The following CAPN11 variants were observed in gnomAD, a reference collection of about 807,000 sequenced individuals.
CAPN11 encodes calpain-11.
CAPN11 carries 108 observed loss-of-function variants against 105.3 expected under a neutral mutation model. The ratio of observed to expected loss-of-function variants is 1.03; its 90% CI spans 0.88 to 1.20. The LOEUF (loss-of-function observed/expected upper bound fraction) is 1.20. Among genes scored for constraint, CAPN11 ranks in the 50% most tolerant of loss-of-function variants. CAPN11 has a pLI of 0.00. For missense variants in CAPN11, 883 were observed against 924.8 expected, an observed-to-expected ratio of 0.95 and a Z score of 0.59; for synonymous variants, 329 against 344.5, an observed-to-expected ratio of 0.96 and a Z score of 0.50.
chr6:44,161,915 C>T, intron 1 of CAPN11: 2 of 456,142 alleles, frequency 4.4e-6, no homozygotes, highest in South Asian at 1.5e-5. Flanking sequence ...AGATGATTCG[C>T]TCAACCCAGG....
chr6:44,177,314 G>C lies in CAPN11; in HGVS notation c.1310G>C (p.Gly437Ala), dbSNP rs1426527670. The C allele has an allele frequency of 1.9e-6, 3 of 1,613,654 alleles. No individual in the cohort carries two copies. The highest frequency in any genetic ancestry group is 2.5e-6 in the Non-Finnish European group (3 of 1,179,786). ...EGDDPEDDAE[G>A]NVVVCTCLVA... ...GATGACCCAGAGGATGACGCAGAGG[G>C]CAATGTTGTGGTCTGCACCTGCCTG... Residue 437 changes from glycine (G) to alanine (A), a missense_variant, in exon 12 of 23, where the codon GGC becomes GCC. By Grantham distance (60) the Gly-to-Ala change is moderately conservative. Coordinates refer to ENST00000398776, the MANE Select transcript of CAPN11 (RefSeq NM_007058.4).
Position 44,176,819 on chromosome 6 carries a change from C to T in CAPN11, c.1077-19C>T, listed in dbSNP as rs1561848597. On this transcript the variant is annotated intron_variant, in intron 10 of 22. Coordinates refer to ENST00000398776, the MANE Select transcript of CAPN11 (RefSeq NM_007058.4). The stretch of plus-strand genomic sequence containing the variant: ...ATGCAAGTGTGCTGCTGACGGGCTC[C>T]ACCCCCACCCCACCACAGGATGTCC... The T allele has an allele frequency of 1.2e-6, 2 of 1,613,138 alleles. No individual in the cohort carries two copies. Among genetic ancestry groups the T allele is most frequent in the Non-Finnish European group, 8.5e-7 (1 of 1,179,492 alleles).
chr6:44,181,574 C>CCACACA lies in CAPN11; in HGVS notation c.1938+255_1938+260dup, dbSNP rs1246245984. 1.8e-3 allele frequency among the ~76,000 whole-genome samples: 9 copies of CCACACA among 4,930 alleles called. 2 individuals carry two copies. Among genetic ancestry groups the CCACACA allele is most frequent in the African/African-American group, 1.6e-3 (3 of 1,870 alleles). 3.2% of individuals were successfully genotyped at this position (4,930 alleles called of 152,430 possible). ...ACACTCACATACAGACACAACCACACCACACATACACACTCACATACAGAC... is the reference window on the plus strand; with the variant it reads ...ACACTCACATACAGACACAACCACACCACACACACACATACACACTCACATACAGAC... On this transcript the variant is annotated intron_variant, in intron 19 of 22. Transcript: ENST00000398776.
chr6:44,182,871 G>A lies in CAPN11; in HGVS notation c.1939-70G>A, dbSNP rs890731704. ...TTACAGGCATGAGCCACCGCGCCCGGCCTCAGTATTTCATTATTTCAACCA... is the reference window on the plus strand; with the variant it reads ...TTACAGGCATGAGCCACCGCGCCCGACCTCAGTATTTCATTATTTCAACCA... On this transcript the variant is annotated intron_variant, in intron 19 of 22. Coordinates refer to ENST00000398776, the MANE Select transcript of CAPN11 (RefSeq NM_007058.4). 4.2e-6 allele frequency: 5 copies of A among 1,193,262 alleles called. No individual in the cohort carries two copies. In the Admixed American group the frequency reaches 9.8e-5, roughly 24 times the overall value. 73.9% of individuals were successfully genotyped at this position (1,193,262 alleles called of 1,614,324 possible). A position where few individuals can be genotyped will look rare whatever the true frequency, so the allele number is the denominator to read the frequency against.
In CAPN11 at chr6:44,166,738, C is replaced by T; in HGVS notation, c.17-20C>T. ...TAGACCACAGCCTTCCTCCCCTCCT[C>T]CCACTCTTTCTTATTCTAGGGCCGA... is the stretch of plus-strand genomic sequence containing the variant. On this transcript the variant is annotated intron_variant, in intron 1 of 22. Transcript: ENST00000398776. 6.5e-7 allele frequency: 1 copy of T among 1,542,466 alleles called. No individual in the cohort carries two copies. Among genetic ancestry groups the T allele is most frequent in the Non-Finnish European group, 8.8e-7 (1 of 1,138,334 alleles).
At chr6:44,182,309 ACACT>A (rs1473391088) in intron 19 of CAPN11, among the ~76,000 whole-genome samples, 1 of 147,856 alleles carries the variant, frequency 6.8e-6, no homozygotes, top group African/African-American at 2.5e-5. Flanking sequence ...ACACACACAC[ACACT>A]CACATACAGA....
At chr6:44,168,699 C>T (rs913432598) in intron 2 of CAPN11, among the ~76,000 whole-genome samples, 1 of 150,912 alleles carries the variant, frequency 6.6e-6, no homozygotes, top group African/African-American at 2.4e-5. Flanking sequence ...CTCAGCTCTG[C>T]ACCTCCGCCT....
rs760034477 is a variant in CAPN11 at position 44,180,447 on chromosome 6, T to C, written c.1641-13T>C. The stretch of plus-strand genomic sequence containing the variant: ...CCCCTGGTAACTCTTGAGCTTTCAA[T>C]CATTTTGCCCAGGGAATTGGATGAA... On this transcript the variant is annotated splice_polypyrimidine_tract_variant and intron_variant, in intron 14 of 22. Coordinates refer to ENST00000398776, the MANE Select transcript of CAPN11 (RefSeq NM_007058.4). The C allele has an allele frequency of 1.4e-5, 22 of 1,612,666 alleles. No individual in the cohort carries two copies. Among genetic ancestry groups the C allele is most frequent in the Non-Finnish European group, 1.9e-5 (22 of 1,179,260 alleles).
intron 1 of CAPN11, 107 bp downstream of exon 1, chr6:44,158,971 A>G (rs192277371): frequency 7.9e-6 from 5 of 634,096 alleles, no homozygotes; most frequent in Non-Finnish European, 9.3e-6. Flanking sequence ...CCTTGAGGGT[A>G]CAGAGAGTGA....
chr6:44,179,694 G>A (rs1772802458), intron 13 of CAPN11, 64 bp downstream of exon 13: 1 of 1,554,302 alleles, frequency 6.4e-7, no homozygotes. Flanking sequence ...CTGGCTGCAA[G>A]TGGATTGGCA....
chr6:44,160,201 T>G (rs1040849222), intron 1 of CAPN11, among the ~76,000 whole-genome samples: 1 of 152,326 alleles, frequency 6.6e-6, no homozygotes, highest in South Asian at 2.1e-4. Flanking sequence ...AACAAGTATG[T>G]GCAGTAATGC....
At position 44,162,368 on chromosome 6, in the gene CAPN11, G is replaced by GACACACACACAC. The variant is rs57009949; in HGVS notation, c.16+3535_16+3546dup. On this transcript the variant is annotated intron_variant, in intron 1 of 22. Coordinates refer to ENST00000398776, the MANE Select transcript of CAPN11 (RefSeq NM_007058.4). The stretch of plus-strand genomic sequence containing the variant: ...CCCCCTCACAGTCTCTTTGAATAAA[G>GACACACACACAC]ACACACACACACACACACACACACA... Among the ~76,000 whole-genome samples the GACACACACACAC allele has an allele frequency of 2.3e-4, 32 of 138,752 alleles. 1 individual carries two copies. Among genetic ancestry groups the GACACACACACAC allele is most frequent in the Admixed American group, 3.6e-4 (5 of 13,832 alleles). 91.0% of individuals were successfully genotyped at this position (138,752 alleles called of 152,430 possible). A position where few individuals can be genotyped will look rare whatever the true frequency, so the allele number is the denominator to read the frequency against.
At chr6:44,181,188 C>A in intron 18 of CAPN11, 64 bp from the exon 19 acceptor site, 4 of 1,486,010 alleles carry the variant, frequency 2.7e-6, no homozygotes, top group Non-Finnish European at 3.8e-6. Flanking sequence ...GGAACCCCCG[C>A]TGCTTCCCTA....
chr6:44,166,087 A>G (rs1443007402), intron 1 of CAPN11, among the ~76,000 whole-genome samples: 6 of 152,064 alleles, frequency 3.9e-5, no homozygotes, highest in Non-Finnish European at 7.4e-5. Flanking sequence ...GACCAGGAGA[A>G]CAGGGGTTCA....
At position 44,176,632 on chromosome 6, in the gene CAPN11, C is replaced by T. The variant is rs764826984; in HGVS notation, c.1053C>T (p.His351=). Residue 351 remains histidine (H), a synonymous_variant, in exon 10 of 23, where the codon CAC becomes CAT. Coordinates refer to ENST00000398776, the MANE Select transcript of CAPN11 (RefSeq NM_007058.4). ...VASDIQMQLL[H]KTEDGEFWMS... ...CAGACATCCAGATGCAGCTGCTGCA[C>T]AAGACGGAGGACGGGGAGTTCTGGT... is the stretch of plus-strand genomic sequence containing the variant. The T allele has an allele frequency of 5.0e-6, 8 of 1,607,318 alleles. No homozygotes were observed. Among genetic ancestry groups the T allele is most frequent in the Admixed American group, 3.4e-5 (2 of 59,482 alleles).
In CAPN11 at chr6:44,180,089, T is replaced by C. The variant is rs1772872422; in HGVS notation, c.1566T>C (p.Ile522=). ...TGCCTCCGGGGGAATATATCATTAT[T>C]CCCTCCACCTTTGAGCCACACAGAG... ...LRLPPGEYII[I]PSTFEPHRDA... is the part of the protein sequence containing the mutation. The change falls in exon 14 of 23, where the codon ATT becomes ATC. Residue 522 remains isoleucine (I), a synonymous_variant. Transcript: ENST00000398776. 1.2e-6 allele frequency: 2 copies of C among 1,613,394 alleles called. No homozygotes were observed. The highest frequency in any genetic ancestry group is 1.1e-5 in the South Asian group (1 of 91,044).
At chr6:44,180,873 G>A (rs1461465103) in intron 17 of CAPN11, 60 bp from the exon 18 acceptor site, 10 of 1,602,890 alleles carry the variant, frequency 6.2e-6, no homozygotes, top group Admixed American at 3.3e-5. Context: ...ATCACTCCCA[G>A]TGCCCCCACG....
intron 1 of CAPN11, among the ~76,000 whole-genome samples, chr6:44,163,079 TC>T (rs1351436220): frequency 2.6e-5 from 4 of 152,178 alleles, no homozygotes; most frequent in Admixed American, 2.0e-4. Context: ...AGTAACGTTT[TC>T]TGAGCACCTG....
chr6:44,158,889 C>T, intron 1 of CAPN11, 25 bp downstream of exon 1: 1 of 1,548,164 alleles, frequency 6.5e-7, no homozygotes, highest in Non-Finnish European at 8.7e-7. Context: ...GGCCTTGCCC[C>T]ACTCCTGTAC....
Sources: allele counts gnomAD v4.1 joint callset (sites outside exome capture counted in the v4.1 genomes callset), GRCh38; gene constraint gnomAD v4.1.1; transcripts MANE v1.5; gene names NCBI Gene and HGNC (gene_info 2026-07-23, HGNC 2026-07-21).